GIPC1: variants seen among roughly 807,000 people sequenced by gnomAD.
GIPC1 encodes the protein PDZ domain-containing protein GIPC1.
In GIPC1, 15 loss-of-function variants were observed where a neutral mutation model predicts 28.5. The observed-to-expected ratio is 0.53, with a 90% CI of 0.35 to 0.81. The LOEUF (loss-of-function observed/expected upper bound fraction) is 0.81, where lower values mean the gene tolerates loss of function less well. Among genes scored for constraint, GIPC1 ranks in the 30% least tolerant of loss-of-function variants. The probability of loss-of-function intolerance (pLI) is 0.01; values close to 1 mark genes in which losing one functional copy is unlikely to be tolerated. For missense variants in GIPC1, 439 were observed against 481.9 expected (o/e 0.91, Z 0.83); for synonymous variants, 224 against 206.1 (o/e 1.09, Z -0.74).
intron 3 of GIPC1, among the ~76,000 whole-genome samples, chr19:14,488,644 A>C (rs2071897465): frequency 6.6e-6 from 1 of 151,632 alleles, no homozygotes; most frequent in Non-Finnish European, 1.5e-5. Flanking sequence ...ATCTCTACTA[A>C]AAACACAAAA....
Position 14,482,555 on chromosome 19 carries a change from G to T in GIPC1, c.288+134C>A, listed in dbSNP as rs1021623468. The T allele has an allele frequency of 3.6e-5, 31 of 859,384 alleles. No homozygotes were observed. The Admixed American group carries it at 6.3e-4, about 17-fold the overall frequency. The allele number at this position is 859,384 out of a possible 1,614,324, so 53.2% of individuals were successfully genotyped here. A position where few individuals can be genotyped will look rare whatever the true frequency, so the allele number is the denominator to read the frequency against. On this transcript the variant is annotated intron_variant, in intron 4 of 8. Transcript: ENST00000393033. The stretch of plus-strand genomic sequence containing the variant: ...ACTCAGCATCCAGCCCAGGCCATTG[G>T]CCCCCACCACTGAGTGGGGCCCAGG...
chr19:14,486,712 C>CTTTTTTTTTT (rs35491814), intron 3 of GIPC1, among the ~76,000 whole-genome samples: 4 of 124,756 alleles, frequency 3.2e-5, no homozygotes, highest in Non-Finnish European at 6.5e-5. Context: ...TTCTTTCTTT[C>CTTTTTTTTTT]TTTTTTTTTT....
intron 3 of GIPC1, among the ~76,000 whole-genome samples, chr19:14,491,405 C>A (rs1434654637): frequency 6.6e-6 from 1 of 151,886 alleles, no homozygotes. Context: ...ATTACAGGTG[C>A]GTGCCACCAC....
Position 14,478,262 on chromosome 19 carries a change from C to G in GIPC1, c.*154G>C. ...AGGGAGGGGATGGTACCGATTGGAG[C>G]GGGGCAGGGGGCCTGGCCCCACCTC... On this transcript the variant is annotated 3_prime_UTR_variant, in exon 9 of 9. Coordinates refer to ENST00000393033, the MANE Select transcript of GIPC1 (RefSeq NM_005716.4). The surrounding 1 kb of genome is among the most constrained non-coding windows in gnomAD (Gnocchi z 5.2). 1.4e-6 allele frequency: 1 copy of G among 734,864 alleles called. No homozygotes were observed. The highest frequency in any genetic ancestry group is 1.9e-5 in the South Asian group (1 of 52,402). The allele number at this position is 734,864 out of a possible 1,614,324, so 45.5% of individuals were successfully genotyped here. A position where few individuals can be genotyped will look rare whatever the true frequency, so the allele number is the denominator to read the frequency against.
At position 14,478,556 on chromosome 19, in the gene GIPC1, C is replaced by T; in HGVS notation, c.862G>A (p.Val288Met). The T allele has an allele frequency of 6.2e-7, 1 of 1,614,078 alleles. No homozygotes were observed. The highest frequency in any genetic ancestry group is 8.5e-7 in the Non-Finnish European group (1 of 1,179,986). ...IRDTELAATM[V>M]ELGKDKRNPD... ...TTCCTTTTGTCCTTTCCCAGCTCCA[C>T]CATGGTGGCCGCTATTGGGGGAGGG... The change falls in exon 9 of 9, where the codon GTG becomes ATG. Residue 288 changes from valine to methionine, a missense_variant. By Grantham distance (21) the Val-to-Met change is conservative. Transcript: ENST00000393033. The surrounding 1 kb of genome is among the most constrained non-coding windows in gnomAD (Gnocchi z 5.2).
chr19:14,480,063 G>C, intron 6 of GIPC1: 1 of 590,644 alleles, frequency 1.7e-6, no homozygotes, highest in Non-Finnish European at 3.0e-6. Context: ...GCTTGGCTGG[G>C]CTAATGGCCC....
rs71166735 is a variant in GIPC1 at position 14,496,041 on chromosome 19, TCCGCCGCCGCCGCCG to T, written c.-194_-180del. 152 of 226,412 alleles carry T rather than the reference TCCGCCGCCGCCGCCG, an allele frequency of 6.7e-4. 1 individual carries two copies. The highest frequency in any genetic ancestry group is 3.8e-3 in the East Asian group (31 of 8,188). 14.0% of individuals were successfully genotyped at this position (226,412 alleles called of 1,614,324 possible). A position where few individuals can be genotyped will look rare whatever the true frequency, so the allele number is the denominator to read the frequency against. ...CTTCTCGCAGAGGCCACTCACCTGC[TCCGCCGCCGCCGCCG>T]CCGCCGCCGCCGCCGCCGCTGCCTC... On this transcript the variant is annotated 5_prime_UTR_variant, in exon 1 of 9. Coordinates refer to ENST00000393033, the MANE Select transcript of GIPC1 (RefSeq NM_005716.4).
chr19:14,488,762 G>T (rs1322697429), intron 3 of GIPC1, among the ~76,000 whole-genome samples: 1 of 147,930 alleles, frequency 6.8e-6, no homozygotes, highest in Non-Finnish European at 1.5e-5. Flanking sequence ...GACAGAGCGA[G>T]ACTCGGTCTA....
rs1568371792 is a variant in GIPC1, at chr19:14,496,076, T to TCCGCCGCCTCCGCCTCCGCCTCC, written c.-215_-214insGGAGGCGGAGGCGGAGGCGGCGG. The TCCGCCGCCTCCGCCTCCGCCTCC allele has an allele frequency of 4.9e-5, 10 of 203,588 alleles. No homozygotes were observed. The highest frequency in any genetic ancestry group is 3.0e-4 in the African/African-American group (10 of 33,426). 12.6% of individuals were successfully genotyped at this position (203,588 alleles called of 1,614,324 possible). On this transcript the variant is annotated 5_prime_UTR_variant, in exon 1 of 9. Coordinates refer to ENST00000393033, the MANE Select transcript of GIPC1 (RefSeq NM_005716.4). ...CCGCCGCCGCCGCCGCCGCCGCCGC[T>TCCGCCGCCTCCGCCTCCGCCTCC]GCCTCCGCCTCCCCGTGCGCACCCG...
chr19:14,483,778 TA>T (rs2071781902), intron 3 of GIPC1, among the ~76,000 whole-genome samples: 1 of 146,782 alleles, frequency 6.8e-6, no homozygotes, highest in Non-Finnish European at 1.5e-5. Context: ...ATAATAATAA[TA>T]ATAATAATAA....
intron 3 of GIPC1, among the ~76,000 whole-genome samples, chr19:14,486,363 G>A (rs536727706): frequency 6.6e-6 from 1 of 152,314 alleles, no homozygotes; most frequent in African/African-American, 2.4e-5. Context: ...CCAAACAGGT[G>A]GATGGCACTT....
rs544290552 is a variant in GIPC1, at chr19:14,489,298, C to G, written c.-31+2358G>C. 38 of 739,736 alleles carry G rather than the reference C, an allele frequency of 5.1e-5. 1 individual carries two copies. The highest frequency in any genetic ancestry group is 5.0e-4 in the South Asian group (35 of 70,406). 45.8% of individuals were successfully genotyped at this position (739,736 alleles called of 1,614,324 possible). ...CGATTGGCTAACGAGGTCGATGACG[C>G]CAGGCACAAGATGCTGGGCCTACCG... On this transcript the variant is annotated intron_variant, in intron 3 of 8. Coordinates refer to ENST00000393033, the MANE Select transcript of GIPC1 (RefSeq NM_005716.4).
chr19:14,494,887 C>A (rs2072044039), intron 1 of GIPC1, among the ~76,000 whole-genome samples: 1 of 152,034 alleles, frequency 6.6e-6, no homozygotes, highest in African/African-American at 2.4e-5. Context: ...CTGGGAAGGG[C>A]CTGAAACTTA....
chr19:14,480,878 A>C (rs1463974900), intron 4 of GIPC1, 100 bp from the exon 5 acceptor site: 1 of 839,986 alleles, frequency 1.2e-6, no homozygotes, highest in Non-Finnish European at 1.9e-6. Flanking sequence ...GACTAGGGGG[A>C]TTCCATCCCA....
chr19:14,481,887 C>T (rs1159537626), intron 4 of GIPC1: 6 of 152,286 alleles, frequency 3.9e-5, no homozygotes, highest in Admixed American at 3.3e-4. Context: ...CCTCCTTGAC[C>T]CCCTCCCATC....
rs776737545 is a variant in GIPC1, at chr19:14,480,468, G to A, written c.492C>T (p.Ser164=). The A allele has an allele frequency of 1.2e-5, 19 of 1,612,288 alleles. No individual in the cohort carries two copies. Among genetic ancestry groups the A allele is most frequent in the African/African-American group, 1.3e-5 (1 of 75,042 alleles). ...TGATGAGGTGGATGTGGTCGATCAC[G>A]CTGCCCTCCTTGATGCGCTGCGGGG... ...YAFIKRIKEG[S]VIDHIHLISV... is the part of the protein sequence containing the mutation. Residue 164 remains serine (S), a synonymous_variant, in exon 6 of 9, where the codon AGC becomes AGT. Transcript: ENST00000393033.
chr19:14,495,971 T>G lies in GIPC1; in HGVS notation c.-175+66A>C, dbSNP rs1351268276. On this transcript the variant is annotated intron_variant, in intron 1 of 8. Coordinates refer to ENST00000393033, the MANE Select transcript of GIPC1 (RefSeq NM_005716.4). ...GCCCCACCCTGCAGGATCGGCCGGA[T>G]CCTCGCAGGCCCGCGACCCCCGAGG... 3 of 171,732 alleles carry G rather than the reference T, an allele frequency of 1.7e-5. No individual in the cohort carries two copies. The Admixed American group carries it at 1.9e-4, about 11-fold the overall frequency. 10.6% of individuals were successfully genotyped at this position (171,732 alleles called of 1,614,324 possible).
At chr19:14,486,015 C>T (rs1466196874) in intron 3 of GIPC1, among the ~76,000 whole-genome samples, 1 of 152,116 alleles carries the variant, frequency 6.6e-6, no homozygotes, top group East Asian at 1.9e-4. Context: ...CATGATCCGC[C>T]TGCCTCGGCC....
intron 4 of GIPC1, 64 bp downstream of exon 4, chr19:14,482,625 G>T: frequency 6.7e-7 from 1 of 1,491,756 alleles, no homozygotes; most frequent in Non-Finnish European, 9.3e-7. Flanking sequence ...CTCATGAACA[G>T]GATGCAGGCC....
Sources: gnomAD v4.1 joint callset for allele counts (sites outside exome capture counted in the v4.1 genomes callset) on GRCh38, gnomAD v4.1.1 for gene constraint, Gnocchi (gnomAD v3.1) non-coding constraint, MANE v1.5 for transcripts, NCBI Gene and HGNC (gene_info 2026-07-23, HGNC 2026-07-21) for gene names.